Variants in SCTR observed in about 807,000 individuals in gnomAD.
The protein encoded by SCTR is pancreatic secretin receptor.
Under a neutral mutation model 60.8 loss-of-function variants are expected in SCTR, and 56 were observed. The observed-to-expected ratio is 0.92, with a 90% CI of 0.74 to 1.15. The LOEUF (loss-of-function observed/expected upper bound fraction) is 1.15. SCTR is among the 50% of genes most tolerant of loss of function. The probability of loss-of-function intolerance (pLI) is 0.00; values close to 1 mark genes in which losing one functional copy is unlikely to be tolerated. For missense variants in SCTR, 562 were observed against 550.4 expected (o/e 1.02, Z -0.21); for synonymous variants, 202 against 217.0 (o/e 0.93, Z 0.61).
intron 1 of SCTR, among the ~76,000 whole-genome samples, chr2:119,503,910 C>T (rs1016596933): frequency 1.3e-5 from 2 of 152,128 alleles, no homozygotes; most frequent in African/African-American, 4.8e-5. Flanking sequence ...TATGGAAACT[C>T]TTTGTACTTT....
intron 4 of SCTR, among the ~76,000 whole-genome samples, chr2:119,469,625 G>C (rs1328556586): frequency 6.6e-6 from 1 of 152,154 alleles, no homozygotes; most frequent in African/African-American, 2.4e-5. Flanking sequence ...GAGTAGCTAA[G>C]ACTACAGGCA....
At chr2:119,496,455 A>G (rs774258933) in intron 1 of SCTR, among the ~76,000 whole-genome samples, 10 of 152,226 alleles carry the variant, frequency 6.6e-5, no homozygotes, top group Non-Finnish European at 1.3e-4. Flanking sequence ...GAAAAAAAAG[A>G]CAGACTTCTG....
At position 119,446,890 on chromosome 2, in the gene SCTR, G is replaced by A. The variant is rs375665182; in HGVS notation, c.1014-5C>T. On this transcript the variant is annotated splice_polypyrimidine_tract_variant and splice_region_variant and intron_variant, in intron 10 of 12. Transcript: ENST00000019103. Reference sequence around the variant, plus strand: ...AGAGTGGACCTGGCCAGGCGCCTGGGGACACAGAAAGCCTGTAGCCTCCAC... The same window carrying A: ...AGAGTGGACCTGGCCAGGCGCCTGGAGACACAGAAAGCCTGTAGCCTCCAC... The A allele has an allele frequency of 2.9e-4, 439 of 1,508,924 alleles. No individual in the cohort carries two copies. The highest frequency in any genetic ancestry group is 3.6e-4 in the Non-Finnish European group (400 of 1,126,038). 93.5% of individuals were successfully genotyped at this position (1,508,924 alleles called of 1,614,324 possible).
chr2:119,470,850 G>A (rs192101073), intron 4 of SCTR, among the ~76,000 whole-genome samples: 2 of 152,294 alleles, frequency 1.3e-5, no homozygotes, highest in East Asian at 1.9e-4. Context: ...ACAGGCACAC[G>A]TCACCATGCC....
intron 4 of SCTR, among the ~76,000 whole-genome samples, chr2:119,468,104 G>T (rs1683913890): frequency 6.6e-6 from 1 of 152,148 alleles, no homozygotes; most frequent in African/African-American, 2.4e-5. Flanking sequence ...AAGAGATATG[G>T]CTGATGTTAA....
intron 4 of SCTR, among the ~76,000 whole-genome samples, chr2:119,472,486 G>C (rs1424142670): frequency 6.6e-6 from 1 of 152,178 alleles, no homozygotes; most frequent in Non-Finnish European, 1.5e-5. Context: ...GCCCAGACAG[G>C]GCCCTGATGG....
rs905510217 is a variant in SCTR at position 119,440,355 on chromosome 2, C to T, written c.1183-98G>A. ...GTGACTCCACGCAGGCCCTGCCACTCCTGCCCAGCTGCCCTGTCCCCTAGC... is the reference window on the plus strand; with the variant it reads ...GTGACTCCACGCAGGCCCTGCCACTTCTGCCCAGCTGCCCTGTCCCCTAGC... On this transcript the variant is annotated intron_variant, in intron 12 of 12. Coordinates refer to ENST00000019103, the MANE Select transcript of SCTR (RefSeq NM_002980.3). 2.9e-6 allele frequency: 4 copies of T among 1,393,412 alleles called. No homozygotes were observed. In the African/African-American group the frequency reaches 5.7e-5, roughly 20 times the overall value. 86.3% of individuals were successfully genotyped at this position (1,393,412 alleles called of 1,614,324 possible).
chr2:119,522,441 G>A (rs748784450), intron 1 of SCTR, among the ~76,000 whole-genome samples: 20 of 152,192 alleles, frequency 1.3e-4, no homozygotes, highest in Non-Finnish European at 2.5e-4. Flanking sequence ...GCTAGTCCCG[G>A]CTCTACTACT....
intron 1 of SCTR, among the ~76,000 whole-genome samples, chr2:119,507,885 G>A (rs1678797938): frequency 6.6e-6 from 1 of 151,848 alleles, no homozygotes; most frequent in Non-Finnish European, 1.5e-5. Flanking sequence ...CACCACATTG[G>A]CCAGGATGAT....
chr2:119,455,820 C>T (rs747909688), intron 7 of SCTR, among the ~76,000 whole-genome samples: 10 of 152,046 alleles, frequency 6.6e-5, no homozygotes, highest in Non-Finnish European at 1.0e-4. Context: ...AATGTAAGAA[C>T]ATTTTCAAGA....
intron 3 of SCTR, among the ~76,000 whole-genome samples, chr2:119,477,467 T>C (rs923338894): frequency 1.4e-5 from 2 of 147,540 alleles, no homozygotes; most frequent in Non-Finnish European, 3.0e-5. Context: ...GTTTGTTTGT[T>C]TGTGACAGAG....
intron 7 of SCTR, among the ~76,000 whole-genome samples, chr2:119,461,583 T>C (rs1170751130): frequency 3.3e-5 from 5 of 152,030 alleles, no homozygotes; most frequent in African/African-American, 1.2e-4. Context: ...TGGTGGCACA[T>C]GCCTGTAATC....
In SCTR at chr2:119,461,912, G is replaced by C; in HGVS notation, c.725C>G (p.Thr242Arg). 1 of 1,614,058 alleles carries C rather than the reference G, an allele frequency of 6.2e-7. No homozygotes were observed. Among genetic ancestry groups the C allele is most frequent in the Non-Finnish European group, 8.5e-7 (1 of 1,179,978 alleles). Residue 242 changes from threonine to arginine, a missense_variant, in exon 7 of 13, where the codon ACA becomes AGA. Thr to Arg is a moderately conservative substitution (Grantham distance 71). Transcript: ENST00000019103. ...WLLVEGLYLH[T>R]LLAISFFSER... ...AGAGAAGAAGGAGATGGCGAGGAGT[G>C]TGTGAAGGTAGAGGCCTTCCACCAG...
At chr2:119,497,957 A>G (rs1001339101) in intron 1 of SCTR, among the ~76,000 whole-genome samples, 2 of 152,160 alleles carry the variant, frequency 1.3e-5, no homozygotes, top group Non-Finnish European at 2.9e-5. Flanking sequence ...GGTGGAGTTG[A>G]AAAAAGTACT....
At chr2:119,507,762 TC>T (rs1286076428) in intron 1 of SCTR, among the ~76,000 whole-genome samples, 1 of 138,184 alleles carries the variant, frequency 7.2e-6, no homozygotes, top group Non-Finnish European at 1.5e-5. Context: ...CACTGCAACC[TC>T]TGCCTCCCAG....
intron 8 of SCTR, 107 bp downstream of exon 8, chr2:119,453,180 C>A: frequency 3.5e-6 from 3 of 854,350 alleles, no homozygotes; most frequent in Middle Eastern, 2.2e-4. Flanking sequence ...GTGGCCTCTA[C>A]TTTGAGAAAA....
intron 1 of SCTR, among the ~76,000 whole-genome samples, chr2:119,519,790 A>G (rs1412507293): frequency 4.3e-5 from 6 of 138,310 alleles, no homozygotes; most frequent in Admixed American, 1.5e-4. Flanking sequence ...TAGGTGACAG[A>G]GTGAGATGAG....
chr2:119,496,883 A>G (rs1016479299), intron 1 of SCTR, among the ~76,000 whole-genome samples: 7 of 152,140 alleles, frequency 4.6e-5, no homozygotes, highest in Non-Finnish European at 1.0e-4. Flanking sequence ...TTGCCAAGCC[A>G]TAACTGGTAA....
chr2:119,472,740 C>T (rs911771767), intron 4 of SCTR, among the ~76,000 whole-genome samples: 1 of 152,170 alleles, frequency 6.6e-6, no homozygotes, highest in Non-Finnish European at 1.5e-5. Flanking sequence ...CTCTCCAGCT[C>T]AGGCGATCCT....
Sources: gnomAD v4.1 joint callset for allele counts (sites outside exome capture counted in the v4.1 genomes callset) on GRCh38, gnomAD v4.1.1 for gene constraint, MANE v1.5 for transcripts, NCBI Gene and HGNC (gene_info 2026-07-23, HGNC 2026-07-21) for gene names.